GSDMC: variants seen among roughly 807,000 people sequenced by gnomAD.
The protein encoded by GSDMC is gasdermin-C.
Under a neutral mutation model 58.0 loss-of-function variants are expected in GSDMC, and 59 were observed. The observed-to-expected ratio is 1.02, with a 90% CI of 0.82 to 1.26. The LOEUF is 1.26. Ranked by LOEUF, GSDMC falls within the 50% of genes most tolerant of loss-of-function variation. GSDMC has a pLI of 0.00. For synonymous variants in GSDMC, 241 were observed against 220.2 expected, an observed-to-expected ratio of 1.09 and a Z score of -0.83; for missense variants, 659 against 598.5, an observed-to-expected ratio of 1.10 and a Z score of -1.06.
the GSDMC span, among the ~76,000 whole-genome samples, chr8:129,735,278 C>A: frequency 4.7e-4 from 71 of 152,236 alleles, no homozygotes; most frequent in Admixed American, 1.4e-3. Flanking sequence ...ATATCCAGGA[C>A]TTGAACTCAG....
chr8:129,732,715 G>C, the GSDMC span, among the ~76,000 whole-genome samples: 1 of 152,224 alleles, frequency 6.6e-6, no homozygotes, highest in Non-Finnish European at 1.5e-5. Context: ...AATAGGAACA[G>C]CACCGGTCTG....
At chr8:129,709,527 G>C in the GSDMC span, among the ~76,000 whole-genome samples, 1 of 143,160 alleles carries the variant, frequency 7.0e-6, no homozygotes, top group Non-Finnish European at 1.5e-5. Context: ...ATGATAGGCA[G>C]ATAGTTGATA....
intron 8 of GSDMC, 58 bp from the exon 9 acceptor site, chr8:129,751,949 C>T: frequency 2.6e-6 from 4 of 1,546,202 alleles, no homozygotes; most frequent in East Asian, 2.2e-5. Context: ...TTTCTCCAAC[C>T]TTCTGCCCTT....
chr8:129,748,488 C>T lies in GSDMC; in HGVS notation c.*13G>A. The T allele has an allele frequency of 6.3e-7, 1 of 1,591,480 alleles. No homozygotes were observed. Among genetic ancestry groups the T allele is most frequent in the Non-Finnish European group, 8.5e-7 (1 of 1,169,742 alleles). On this transcript the variant is annotated 3_prime_UTR_variant, in exon 14 of 14. Coordinates refer to ENST00000276708, the MANE Select transcript of GSDMC (RefSeq NM_031415.3). ...GGCCAGCATCTCTGGACTGACTGCCCATCAGGGAGGGCTTAGGCCTCAGCC... is the reference window on the plus strand; with the variant it reads ...GGCCAGCATCTCTGGACTGACTGCCTATCAGGGAGGGCTTAGGCCTCAGCC...
chr8:129,733,118 C>T, the GSDMC span, among the ~76,000 whole-genome samples: 6,209 of 152,316 alleles, frequency 0.041, 258 homozygotes, highest in East Asian at 0.19. Context: ...GGGAGGTGTC[C>T]GCCATTGCTG....
At chr8:129,747,040 A>G (rs1295239001), downstream of GSDMC, among the ~76,000 whole-genome samples, 1 of 151,976 alleles carries the variant, frequency 6.6e-6, no homozygotes, top group African/African-American at 2.4e-5. Flanking sequence ...ACTTGAGGCC[A>G]GGAGTTCAAG....
chr8:129,725,924 A>T, the GSDMC span, among the ~76,000 whole-genome samples: 3 of 152,250 alleles, frequency 2.0e-5, no homozygotes, highest in African/African-American at 7.2e-5. Context: ...CCACCAAGAT[A>T]ATGAATCCCA....
At chr8:129,749,606 G>C (rs964524388) in intron 12 of GSDMC, 81 bp from the exon 13 acceptor site, 2 of 1,014,428 alleles carry the variant, frequency 2.0e-6, no homozygotes, top group Non-Finnish European at 3.1e-6. Context: ...GAGACCCCCT[G>C]AGAGAATAAC....
At chr8:129,738,885 CAG>C in the GSDMC span, among the ~76,000 whole-genome samples, 12 of 152,010 alleles carry the variant, frequency 7.9e-5, no homozygotes, top group African/African-American at 2.9e-4. Flanking sequence ...AGAAATCAGT[CAG>C]AGTTTCTAGA....
rs1473649801 is a variant in GSDMC, at chr8:129,782,990, A to G, written c.-5+3021T>C. 3.3e-5 allele frequency among the ~76,000 whole-genome samples: 5 copies of G among 152,212 alleles called. No homozygotes were observed. In the East Asian group the frequency reaches 7.7e-4, roughly 23 times the overall value. On this transcript the variant is annotated intron_variant, in intron 1 of 13. Coordinates refer to ENST00000276708, the MANE Select transcript of GSDMC (RefSeq NM_031415.3). ...ACTAGGAAACCAAATTCAACAATAC[A>G]TTAAAAATATCATTTATCATGACCA...
chr8:129,726,211 C>T, the GSDMC span, among the ~76,000 whole-genome samples: 58,803 of 151,924 alleles, frequency 0.39, 15,784 homozygotes, highest in African/African-American at 0.73. Flanking sequence ...GTCTTACCTC[C>T]CAGAGATTTT....
At chr8:129,707,114 T>G in the GSDMC span, 1 of 151,884 alleles carries the variant, frequency 6.6e-6, no homozygotes, top group South Asian at 2.1e-4. Flanking sequence ...TAACTCTGGA[T>G]GCCCAGTGCC....
the GSDMC span, among the ~76,000 whole-genome samples, chr8:129,738,673 G>A: frequency 6.6e-6 from 1 of 152,112 alleles, no homozygotes; most frequent in Non-Finnish European, 1.5e-5. Context: ...GGAGCAGGGG[G>A]AGGGATAGCA....
chr8:129,763,710 G>A (rs1308870465), intron 4 of GSDMC, among the ~76,000 whole-genome samples: 1 of 152,022 alleles, frequency 6.6e-6, no homozygotes, highest in African/African-American at 2.4e-5. Context: ...CCAAGTAGCT[G>A]GAACTACAGG....
intron 3 of GSDMC, 101 bp from the exon 4 acceptor site, chr8:129,765,894 T>C (rs2033841896): frequency 2.3e-6 from 2 of 880,980 alleles, no homozygotes; most frequent in African/African-American, 1.7e-5. Flanking sequence ...AGGGGTGCAA[T>C]GGCTTTGGAC....
At chr8:129,785,465 A>G (rs1431782621) in intron 1 of GSDMC, among the ~76,000 whole-genome samples, 1 of 152,090 alleles carries the variant, frequency 6.6e-6, no homozygotes, top group Non-Finnish European at 1.5e-5. Flanking sequence ...AATAAGATCT[A>G]GTATTTCTGA....
At chr8:129,746,351 T>C (rs1022722860), downstream of GSDMC, among the ~76,000 whole-genome samples, 10 of 152,210 alleles carry the variant, frequency 6.6e-5, no homozygotes, top group South Asian at 1.5e-3. Flanking sequence ...AAAGTAATTA[T>C]AGTTGAGAGT....
At chr8:129,720,551 A>G in the GSDMC span, among the ~76,000 whole-genome samples, 5 of 152,200 alleles carry the variant, frequency 3.3e-5, no homozygotes, top group Non-Finnish European at 4.4e-5. Context: ...ATGTTATTCT[A>G]TCTGTATATA....
intron 6 of GSDMC, 83 bp downstream of exon 6, chr8:129,760,462 C>T (rs756024106): frequency 3.1e-4 from 230 of 746,676 alleles, no homozygotes; most frequent in Non-Finnish European, 4.9e-4. Context: ...TGTATCAAAA[C>T]ATCTCATGTA....
Sources: allele counts gnomAD v4.1 joint callset (sites outside exome capture counted in the v4.1 genomes callset), GRCh38; gene constraint gnomAD v4.1.1; transcripts MANE v1.5; gene names NCBI Gene and HGNC (gene_info 2026-07-23, HGNC 2026-07-21).